Variants in ANO6 observed in about 807,000 individuals in gnomAD.
ANO6 encodes the protein anoctamin 6.
ANO6 carries 106 observed loss-of-function variants against 117.5 expected under a neutral mutation model. The ratio of observed to expected loss-of-function variants is 0.90; its 90% CI spans 0.77 to 1.06. ANO6 has a LOEUF of 1.06. Ranked by LOEUF, ANO6 falls within the 50% of genes least tolerant of loss-of-function variation. The pLI is 0.00. For synonymous variants in ANO6, 367 were observed against 385.1 expected, an observed-to-expected ratio of 0.95 and a Z score of 0.55; for missense variants, 955 against 1,121.1, an observed-to-expected ratio of 0.85 and a Z score of 2.12.
At chr12:45,404,684 C>T (rs28394415) in intron 15 of ANO6, among the ~76,000 whole-genome samples, 2,735 of 150,744 alleles carry the variant, frequency 0.018, 78 homozygotes, top group African/African-American at 0.063. Context: ...TTCCCCCTGT[C>T]CTCCTCCTCT....
intron 2 of ANO6, among the ~76,000 whole-genome samples, chr12:45,329,907 A>T (rs963179925): frequency 2.0e-5 from 3 of 152,114 alleles, no homozygotes; most frequent in Non-Finnish European, 4.4e-5. Context: ...GCATTTTCAT[A>T]TAGTTTTAAA....
At position 45,416,740 on chromosome 12, in the gene ANO6, C is replaced by T; in HGVS notation, c.2053C>T (p.Pro685Ser). Residue 685 changes from proline to serine, a missense_variant, in exon 17 of 20, where the codon CCA becomes TCA. Pro to Ser is a moderately conservative substitution (Grantham distance 74). Transcript: ENST00000320560. ...GFVTLFVASF[P>S]LAPLLALVNN... ...CGTCACCTTATTTGTGGCCTCTTTTCCACTGGCCCCTCTGTTGGCTCTCGT... is the reference window on the plus strand; with the variant it reads ...CGTCACCTTATTTGTGGCCTCTTTTTCACTGGCCCCTCTGTTGGCTCTCGT... The T allele has an allele frequency of 1.2e-6, 2 of 1,614,128 alleles. No homozygotes were observed. Among genetic ancestry groups the T allele is most frequent in the Non-Finnish European group, 1.7e-6 (2 of 1,180,020 alleles).
intron 2 of ANO6, among the ~76,000 whole-genome samples, chr12:45,308,209 A>G (rs1337545126): frequency 6.6e-6 from 1 of 151,624 alleles, no homozygotes; most frequent in Non-Finnish European, 1.5e-5. Flanking sequence ...ATGATGCAAG[A>G]GTGAGAGGGA....
intron 2 of ANO6, among the ~76,000 whole-genome samples, chr12:45,329,080 C>T (rs927701617): frequency 1.1e-4 from 17 of 152,132 alleles, no homozygotes; most frequent in African/African-American, 4.1e-4. Flanking sequence ...CACTTGCTGT[C>T]CAAGGCAACT....
At chr12:45,427,068 T>G (rs1212566430) in intron 19 of ANO6, among the ~76,000 whole-genome samples, 4 of 152,022 alleles carry the variant, frequency 2.6e-5, no homozygotes, top group African/African-American at 7.2e-5. Flanking sequence ...CCCTCTTGAT[T>G]ATGGCAACTC....
At chr12:45,292,336 C>T (rs1939129702) in intron 1 of ANO6, among the ~76,000 whole-genome samples, 2 of 151,952 alleles carry the variant, frequency 1.3e-5, no homozygotes, top group Admixed American at 6.6e-5. Flanking sequence ...ATGGGGAATT[C>T]GTGCTTAATG....
chr12:45,397,873 A>T (rs1942668745), intron 12 of ANO6, among the ~76,000 whole-genome samples: 1 of 152,154 alleles, frequency 6.6e-6, no homozygotes, highest in Non-Finnish European at 1.5e-5. Flanking sequence ...TAGGAGAAAT[A>T]CCTAATGTGA....
chr12:45,327,010 A>G (rs945380698), intron 2 of ANO6, among the ~76,000 whole-genome samples: 1 of 152,188 alleles, frequency 6.6e-6, no homozygotes, highest in African/African-American at 2.4e-5. Context: ...AACCACATGG[A>G]ATCATATAGG....
At chr12:45,289,259 C>T (rs1939019151) in intron 1 of ANO6, among the ~76,000 whole-genome samples, 1 of 151,292 alleles carries the variant, frequency 6.6e-6, no homozygotes, top group Non-Finnish European at 1.5e-5. Flanking sequence ...CTCCACCTCC[C>T]AGATTCAAGC....
intron 12 of ANO6, 75 bp downstream of exon 12, chr12:45,390,573 T>A (rs944798627): frequency 7.7e-7 from 1 of 1,296,286 alleles, no homozygotes; most frequent in African/African-American, 1.5e-5. Context: ...AATATCTAAT[T>A]TTAAATGTTG....
chr12:45,362,043 G>A (rs1941569238), intron 8 of ANO6, among the ~76,000 whole-genome samples: 1 of 152,044 alleles, frequency 6.6e-6, no homozygotes, highest in Non-Finnish European at 1.5e-5. Flanking sequence ...GTTTTTAAAA[G>A]AGTTTATGAA....
intron 8 of ANO6, among the ~76,000 whole-genome samples, chr12:45,358,810 A>G (rs899886858): frequency 5.5e-4 from 82 of 148,854 alleles, no homozygotes; most frequent in African/African-American, 1.9e-3. Context: ...TGGTGGGGGC[A>G]GTCTTGCTGT....
intron 1 of ANO6, among the ~76,000 whole-genome samples, chr12:45,255,825 T>G (rs1290797503): frequency 6.8e-6 from 1 of 146,370 alleles, no homozygotes; most frequent in African/African-American, 2.6e-5. Flanking sequence ...GGTGTTTTTT[T>G]TTTTTTTTTT....
intron 2 of ANO6, among the ~76,000 whole-genome samples, chr12:45,307,641 T>C (rs1939712484): frequency 6.6e-6 from 1 of 152,022 alleles, no homozygotes; most frequent in Non-Finnish European, 1.5e-5. Flanking sequence ...ACACAGGTGA[T>C]GTTTAAAGCC....
chr12:45,402,061 T>C (rs760628898), intron 13 of ANO6, 41 bp downstream of exon 13: 5 of 1,547,122 alleles, frequency 3.2e-6, no homozygotes, highest in Non-Finnish European at 4.4e-6. Flanking sequence ...TGACATATTT[T>C]TAGAACCTGC....
At chr12:45,262,432 T>C (rs1194708717) in intron 1 of ANO6, among the ~76,000 whole-genome samples, 1 of 152,120 alleles carries the variant, frequency 6.6e-6, no homozygotes, top group Non-Finnish European at 1.5e-5. Context: ...TTTTTTTTTT[T>C]TCTTTTTTGA....
At chr12:45,367,126 C>T (rs1249006476) in intron 8 of ANO6, among the ~76,000 whole-genome samples, 1 of 152,168 alleles carries the variant, frequency 6.6e-6, no homozygotes, top group Non-Finnish European at 1.5e-5. Flanking sequence ...GGATTACAGG[C>T]ACGCACCACC....
At chr12:45,254,847 G>T (rs993681256) in intron 1 of ANO6, among the ~76,000 whole-genome samples, 2 of 152,112 alleles carry the variant, frequency 1.3e-5, no homozygotes, top group Non-Finnish European at 2.9e-5. Context: ...ATGAATAAAA[G>T]AGCAGTTTCC....
At chr12:45,253,082 T>C (rs1937681942) in intron 1 of ANO6, among the ~76,000 whole-genome samples, 1 of 152,218 alleles carries the variant, frequency 6.6e-6, no homozygotes, top group Non-Finnish European at 1.5e-5. Context: ...ATGTCTACTT[T>C]TTAAACTGTC....
Sources: allele counts gnomAD v4.1 joint callset (sites outside exome capture counted in the v4.1 genomes callset), GRCh38; gene constraint gnomAD v4.1.1; transcripts MANE v1.5; gene names NCBI Gene and HGNC (gene_info 2026-07-23, HGNC 2026-07-21).